Variants in GRB10 observed in about 807,000 individuals in gnomAD.
The protein encoded by GRB10 is growth factor receptor-bound protein 10.
In GRB10, 20 loss-of-function variants were observed where a neutral mutation model predicts 80.9. The observed-to-expected ratio is 0.25, with a 90% CI of 0.17 to 0.36. GRB10 has a LOEUF of 0.36. Ranked by LOEUF, GRB10 falls within the 10% of genes least tolerant of loss-of-function variation. The pLI is 1.00. For missense variants in GRB10, 548 were observed against 747.7 expected (o/e 0.73, Z 3.12); for synonymous variants, 291 against 291.5 (o/e 1.00, Z 0.02).
At chr7:50,623,259 G>A (rs1464796770) in intron 8 of GRB10, among the ~76,000 whole-genome samples, 1 of 152,196 alleles carries the variant, frequency 6.6e-6, no homozygotes, top group Non-Finnish European at 1.5e-5. Flanking sequence ...TAGAACCTGG[G>A]GGCAGTGCTA....
At chr7:50,729,546 C>T (rs1449658459) in intron 4 of GRB10, 1 of 152,166 alleles carries the variant, frequency 6.6e-6, no homozygotes, top group Non-Finnish European at 1.5e-5. Context: ...CATCAATGAA[C>T]ACAGATGTGC....
intron 2 of GRB10, among the ~76,000 whole-genome samples, chr7:50,776,436 G>T (rs2077659948): frequency 6.6e-6 from 1 of 151,622 alleles, no homozygotes; most frequent in Non-Finnish European, 1.5e-5. Flanking sequence ...GCCCAGGCTG[G>T]TCTTGAACTC....
chr7:50,673,061 A>T (rs1439053045), intron 6 of GRB10, among the ~76,000 whole-genome samples: 1 of 152,226 alleles, frequency 6.6e-6, no homozygotes, highest in African/African-American at 2.4e-5. Flanking sequence ...ACCTGGGGCA[A>T]GGTGATTATC....
intron 5 of GRB10, among the ~76,000 whole-genome samples, chr7:50,689,783 A>G (rs2062570742): frequency 6.6e-6 from 1 of 152,122 alleles, no homozygotes; most frequent in African/African-American, 2.4e-5. Context: ...TTCTGAAGGC[A>G]ATACTAGTAC....
rs373664721 is a variant in GRB10, at chr7:50,611,413, TG to T, written c.1194+1327del. 3.7e-4 allele frequency among the ~76,000 whole-genome samples: 57 copies of T among 152,216 alleles called. No homozygotes were observed. In the South Asian group the frequency reaches 5.8e-3, roughly 16 times the overall value. On this transcript the variant is annotated intron_variant, in intron 13 of 18. Coordinates refer to ENST00000401949, the MANE Select transcript of GRB10 (RefSeq NM_001350814.2). ...CACTGAAAACCGGCTTACACAGGAGTGGTCTATGATCTATGATGTATTAACA... is the reference window on the plus strand; with the variant it reads ...CACTGAAAACCGGCTTACACAGGAGTGTCTATGATCTATGATGTATTAACA...
chr7:50,661,649 A>G (rs2059284086), intron 7 of GRB10, among the ~76,000 whole-genome samples: 1 of 152,214 alleles, frequency 6.6e-6, no homozygotes. Flanking sequence ...TGTAGGAGTC[A>G]GTTCTCTGCC....
intron 6 of GRB10, among the ~76,000 whole-genome samples, chr7:50,673,252 T>C (rs1042381752): frequency 3.3e-5 from 5 of 152,170 alleles, no homozygotes; most frequent in Non-Finnish European, 7.3e-5. Context: ...CAGAGATGGC[T>C]GTACATCCTC....
At chr7:50,685,213 G>A (rs1586858108) in intron 5 of GRB10, among the ~76,000 whole-genome samples, 1 of 152,164 alleles carries the variant, frequency 6.6e-6, no homozygotes, top group African/African-American at 2.4e-5. Flanking sequence ...TTCAGGTATT[G>A]GAAATACAGA....
At chr7:50,619,097 TACTATGAA>T (rs2153582946) in intron 9 of GRB10, 65 bp downstream of exon 9, 1 of 860,770 alleles carries the variant, frequency 1.2e-6, no homozygotes, top group East Asian at 2.5e-5. Context: ...TCTAATCTGA[TACTATGAA>T]ACCCAAGTAT....
chr7:50,708,674 T>G (rs796539291), intron 4 of GRB10, among the ~76,000 whole-genome samples: 31 of 2,212 alleles, frequency 0.014, no homozygotes, highest in African/African-American at 0.052. Context: ...TGTGAGTCTG[T>G]TTTTTTTTTT....
At chr7:50,727,632 C>T (rs1157284042) in intron 4 of GRB10, among the ~76,000 whole-genome samples, 1 of 152,094 alleles carries the variant, frequency 6.6e-6, no homozygotes, top group Non-Finnish European at 1.5e-5. Context: ...TTTTCCCAAA[C>T]CAAATGCCAT....
chr7:50,624,501 A>G (rs1357151261), intron 8 of GRB10, among the ~76,000 whole-genome samples: 1 of 152,262 alleles, frequency 6.6e-6, no homozygotes, highest in Non-Finnish European at 1.5e-5. Flanking sequence ...AGCAACTTAA[A>G]TTAATTTTTT....
chr7:50,725,940 G>A (rs552523480), intron 4 of GRB10: 27 of 152,314 alleles, frequency 1.8e-4, no homozygotes, highest in African/African-American at 5.5e-4. Context: ...AAGGACATAG[G>A]CTTCAGGCTT....
chr7:50,786,673 C>T (rs920510753), upstream of GRB10, among the ~76,000 whole-genome samples: 3 of 152,188 alleles, frequency 2.0e-5, no homozygotes, highest in Non-Finnish European at 4.4e-5. Context: ...AGTAGATGGA[C>T]ATTTTCCCAG....
intron 5 of GRB10, among the ~76,000 whole-genome samples, chr7:50,694,835 T>C (rs182848328): frequency 3.9e-4 from 60 of 152,334 alleles, no homozygotes; most frequent in Non-Finnish European, 2.5e-4. Context: ...AACTACATTA[T>C]AGGTACATTG....
intron 7 of GRB10, among the ~76,000 whole-genome samples, chr7:50,667,291 G>A (rs191539972): frequency 7.9e-5 from 12 of 152,226 alleles, no homozygotes; most frequent in African/African-American, 2.9e-4. Context: ...ATTTCGTTAT[G>A]CTTTCTTCTT....
intron 11 of GRB10, 107 bp downstream of exon 11, chr7:50,616,103 G>C (rs572787303): frequency 1.6e-6 from 2 of 1,263,508 alleles, no homozygotes; most frequent in African/African-American, 1.5e-5. Flanking sequence ...CCTGAGCTTG[G>C]AGGAGTCTAA....
Position 50,605,377 on chromosome 7 carries a change from T to C in GRB10, c.1302A>G (p.Ala434=). The C allele has an allele frequency of 1.2e-6, 2 of 1,614,094 alleles. No homozygotes were observed. The highest frequency in any genetic ancestry group is 1.7e-6 in the Non-Finnish European group (2 of 1,180,002). ...GTCCTGTTTGCCCAGAAAAATCCAT[T>C]GCCACGAGGGAGTTCTCGGAGACAC... ...VRSVSENSLV[A]MDFSGQTGRV... Residue 434 remains alanine (A), a synonymous_variant, in exon 15 of 19, where the codon GCA becomes GCG. Transcript: ENST00000401949.
chr7:50,699,785 T>C (rs956896382), intron 5 of GRB10, among the ~76,000 whole-genome samples: 2 of 152,040 alleles, frequency 1.3e-5, no homozygotes, highest in Admixed American at 6.5e-5. Context: ...TCGTCCTCTG[T>C]GTAAGCTGTT....
Sources: allele counts gnomAD v4.1 joint callset (sites outside exome capture counted in the v4.1 genomes callset), GRCh38; gene constraint gnomAD v4.1.1; transcripts MANE v1.5; gene names NCBI Gene and HGNC (gene_info 2026-07-23, HGNC 2026-07-21).